Variants in BLK observed in about 807,000 individuals in gnomAD.
BLK encodes the protein BLK proto-oncogene, Src family tyrosine kinase.
In BLK, 64 loss-of-function variants were observed where a neutral mutation model predicts 61.8. The observed-to-expected ratio is 1.03, with a 90% CI of 0.85 to 1.27. The LOEUF (loss-of-function observed/expected upper bound fraction) is 1.27, where lower values mean the gene tolerates loss of function less well. BLK is among the 50% of genes most tolerant of loss of function. BLK has a pLI of 0.00. For synonymous variants in BLK, 351 were observed against 272.0 expected (o/e 1.29, Z -2.86); for missense variants, 853 against 660.5 (o/e 1.29, Z -3.19).
intron 1 of BLK, among the ~76,000 whole-genome samples, chr8:11,536,200 G>C (rs1193892305): frequency 6.6e-6 from 1 of 152,168 alleles, no homozygotes; most frequent in Non-Finnish European, 1.5e-5. Context: ...CCATGCTTTA[G>C]AAACAAATGC....
chr8:11,521,084 C>T (rs1258181693), intron 1 of BLK, among the ~76,000 whole-genome samples: 1 of 151,932 alleles, frequency 6.6e-6, no homozygotes, highest in Non-Finnish European at 1.5e-5. Context: ...TGGTTCTATG[C>T]AGGAAAAGAC....
chr8:11,517,297 C>T (rs116756352), intron 1 of BLK, among the ~76,000 whole-genome samples: 2,295 of 152,222 alleles, frequency 0.015, 60 homozygotes, highest in African/African-American at 0.051. Context: ...GTGCAGAATA[C>T]GAGAGAAAGA....
At chr8:11,559,693 C>G (rs73545865) in intron 10 of BLK, 7,149 of 454,466 alleles carry the variant, frequency 0.016, 444 homozygotes, top group African/African-American at 0.13. Context: ...CCCTCGGGCC[C>G]CACTTTGCAG....
intron 1 of BLK, among the ~76,000 whole-genome samples, chr8:11,529,617 C>T (rs145706953): frequency 1.1e-3 from 169 of 152,268 alleles, no homozygotes; most frequent in African/African-American, 3.9e-3. Flanking sequence ...AATCCTGTGG[C>T]TAATTTGTTA....
intron 1 of BLK, among the ~76,000 whole-genome samples, chr8:11,528,730 A>G (rs1799774646): frequency 1.3e-5 from 2 of 152,202 alleles, no homozygotes; most frequent in South Asian, 4.1e-4. Flanking sequence ...GCTCTTATCC[A>G]CAGATTTAGT....
intron 9 of BLK, among the ~76,000 whole-genome samples, chr8:11,557,565 G>A (rs1354089759): frequency 6.6e-6 from 1 of 152,182 alleles, no homozygotes; most frequent in African/African-American, 2.4e-5. Flanking sequence ...CTGATGCCTG[G>A]TCCTCAGAGG....
chr8:11,560,503 T>A (rs1281249690), intron 10 of BLK: 1 of 259,980 alleles, frequency 3.8e-6, no homozygotes, highest in Non-Finnish European at 7.6e-6. Flanking sequence ...TGAAGTCGCA[T>A]GTCTGAAGAG....
intron 1 of BLK, among the ~76,000 whole-genome samples, chr8:11,501,134 A>T (rs1373678285): frequency 3.9e-5 from 6 of 152,160 alleles, no homozygotes; most frequent in Admixed American, 3.9e-4. Context: ...GCTTGAACCC[A>T]GGAGATCTCA....
At chr8:11,509,090 A>G (rs931035892) in intron 1 of BLK, 2 of 152,166 alleles carry the variant, frequency 1.3e-5, no homozygotes, top group South Asian at 4.1e-4. Flanking sequence ...GGTGCTGACC[A>G]TAACCCTTAA....
At chr8:11,556,353 T>G (rs553804288) in intron 8 of BLK, 9 of 438,502 alleles carry the variant, frequency 2.1e-5, no homozygotes, top group South Asian at 1.7e-4. Flanking sequence ...ACTCATTATG[T>G]AGGGGAGGGG....
intron 11 of BLK, among the ~76,000 whole-genome samples, 161 bp from the exon 12 acceptor site, chr8:11,562,818 G>C (rs1013182522): frequency 6.6e-6 from 1 of 152,234 alleles, no homozygotes; most frequent in Non-Finnish European, 1.5e-5. Context: ...ATGTGTCCTG[G>C]TGTGCGGTAG....
intron 3 of BLK, among the ~76,000 whole-genome samples, chr8:11,547,788 C>A (rs1040696073): frequency 1.3e-5 from 2 of 152,142 alleles, no homozygotes; most frequent in African/African-American, 4.8e-5. Flanking sequence ...AGCTTCCTCA[C>A]ACACGCCTTG....
At chr8:11,554,212 C>T (rs891544872) in intron 6 of BLK, 2 of 166,366 alleles carry the variant, frequency 1.2e-5, no homozygotes, top group South Asian at 1.5e-4. Context: ...ACCTAGAAGA[C>T]AAAATAACAG....
chr8:11,555,817 G>C (rs1585412519), intron 8 of BLK: 3 of 394,280 alleles, frequency 7.6e-6, no homozygotes, highest in African/African-American at 6.2e-5. Context: ...TCATCACCCA[G>C]ATGGAAACAG....
chr8:11,507,477 C>T (rs577484470), intron 1 of BLK, among the ~76,000 whole-genome samples: 1 of 152,324 alleles, frequency 6.6e-6, no homozygotes, highest in East Asian at 1.9e-4. Flanking sequence ...GGGAAGACAC[C>T]ACCCACCCTG....
intron 6 of BLK, among the ~76,000 whole-genome samples, chr8:11,551,515 C>A (rs1800903231): frequency 6.6e-6 from 1 of 152,176 alleles, no homozygotes; most frequent in Non-Finnish European, 1.5e-5. Flanking sequence ...ATTCTCAGGA[C>A]CGAGGGTTAG....
chr8:11,495,224 CA>C (rs1798320547), intron 1 of BLK, among the ~76,000 whole-genome samples: 1 of 152,204 alleles, frequency 6.6e-6, no homozygotes, highest in Non-Finnish European at 1.5e-5. Flanking sequence ...AAGGTTTTGA[CA>C]ACGTTTCCAT....
chr8:11,527,334 C>A lies in BLK; in HGVS notation c.-1-15890C>A, dbSNP rs142112942. Among the ~76,000 whole-genome samples the A allele has an allele frequency of 2.2e-4, 34 of 152,258 alleles. 1 individual carries two copies. In the East Asian group the frequency reaches 6.2e-3, roughly 28 times the overall value. On this transcript the variant is annotated intron_variant, in intron 1 of 12. Coordinates refer to ENST00000259089, the MANE Select transcript of BLK (RefSeq NM_001715.3). ...GCAAATATATACTCTTGTATAAAGT[C>A]CACCACAATCAAAATGGACAACATT... is the stretch of plus-strand genomic sequence containing the variant.
intron 8 of BLK, chr8:11,555,821 G>A (rs893549354): frequency 1.3e-5 from 5 of 389,760 alleles, no homozygotes; most frequent in Non-Finnish European, 2.0e-5. Flanking sequence ...CACCCAGATG[G>A]AAACAGGAGG....
Sources: allele counts gnomAD v4.1 joint callset (sites outside exome capture counted in the v4.1 genomes callset), GRCh38; gene constraint gnomAD v4.1.1; transcripts MANE v1.5; gene names NCBI Gene and HGNC (gene_info 2026-07-23, HGNC 2026-07-21).